Variants in LMO3 observed in about 807,000 individuals in gnomAD.
LMO3 encodes the protein LIM domain only protein 3.
LMO3 carries 2 observed loss-of-function variants against 15.8 expected under a neutral mutation model. That is an observed-to-expected ratio of 0.13 (90% CI 0.05 to 0.40). The LOEUF is 0.40. Ranked by LOEUF, LMO3 falls within the 10% of genes least tolerant of loss-of-function variation. The pLI is 0.99. For missense variants in LMO3, 86 were observed against 182.2 expected (o/e 0.47, Z 3.04); for synonymous variants, 62 against 63.8 (o/e 0.97, Z 0.13).
At chr12:16,595,506 A>C (rs1943621211) in intron 2 of LMO3, among the ~76,000 whole-genome samples, 2 of 151,400 alleles carry the variant, frequency 1.3e-5, no homozygotes, top group Non-Finnish European at 3.0e-5. Flanking sequence ...AATTATCCAA[A>C]AAAATTATCA....
intron 2 of LMO3, among the ~76,000 whole-genome samples, chr12:16,561,451 T>C (rs1354459895): frequency 2.0e-5 from 3 of 152,188 alleles, no homozygotes; most frequent in Non-Finnish European, 4.4e-5. Context: ...GTTTTCTTTT[T>C]TCTCCAGTGT....
chr12:16,560,216 T>A lies in LMO3; in HGVS notation c.332+197A>T, dbSNP rs1942346118. 6.6e-6 allele frequency among the ~76,000 whole-genome samples: 1 copy of A among 152,206 alleles called. No homozygotes were observed. The highest frequency in any genetic ancestry group is 1.5e-5 in the Non-Finnish European group (1 of 68,042). On this transcript the variant is annotated intron_variant, in intron 3 of 3. Coordinates refer to ENST00000537304, the MANE Select transcript of LMO3 (RefSeq NM_018640.5). This position sits in a 1 kb window ranked among gnomAD's most constrained non-coding sequence, Gnocchi z 5.0. The stretch of plus-strand genomic sequence containing the variant: ...TGTTACTTGCTCTTATATGATGCTT[T>A]TCTTTCAGGTAGAAGTAAGTCTTAA...
At chr12:16,601,014 G>A in intron 1 of LMO3, 146 bp from the exon 2 acceptor site, 8 of 615,036 alleles carry the variant, frequency 1.3e-5, no homozygotes, top group South Asian at 2.5e-5. Context: ...ACCCAATTTT[G>A]GAAACAAAAA....
At chr12:16,565,684 G>A (rs1443004676) in intron 2 of LMO3, among the ~76,000 whole-genome samples, 1 of 151,782 alleles carries the variant, frequency 6.6e-6, no homozygotes, top group Non-Finnish European at 1.5e-5. Flanking sequence ...GGATGATTTT[G>A]AATTTTCCTG....
rs753847361 is a variant in LMO3, at chr12:16,576,111, C to T, written c.207-15573G>A. On this transcript the variant is annotated intron_variant, in intron 2 of 3. Coordinates refer to ENST00000537304, the MANE Select transcript of LMO3 (RefSeq NM_018640.5). This position sits in a 1 kb window ranked among gnomAD's most constrained non-coding sequence, Gnocchi z 4.1. ...CTTCTCCCTTGCACTCATACTACAACCTCCCAGCTGAACATCTTTCCACCA... is the reference window on the plus strand; with the variant it reads ...CTTCTCCCTTGCACTCATACTACAATCTCCCAGCTGAACATCTTTCCACCA... Among the ~76,000 whole-genome samples, 2 of 152,176 alleles carry T rather than the reference C, an allele frequency of 1.3e-5. No homozygotes were observed. The highest frequency in any genetic ancestry group is 2.9e-5 in the Non-Finnish European group (2 of 68,036).
Position 16,594,418 on chromosome 12 carries a change from T to G in LMO3, c.206+6237A>C, listed in dbSNP as rs1002117033. On this transcript the variant is annotated intron_variant, in intron 2 of 3. Transcript: ENST00000537304. The stretch of plus-strand genomic sequence containing the variant: ...AGTTTTATAAAAATACCTAGCAAAT[T>G]GAACAGAGTATTGCTATTTTTATTT... 40 of 564,012 alleles carry G rather than the reference T, an allele frequency of 7.1e-5. No homozygotes were observed. In the African/African-American group the frequency reaches 7.5e-4, roughly 11 times the overall value. 34.9% of individuals were successfully genotyped at this position (564,012 alleles called of 1,614,324 possible).
intron 2 of LMO3, among the ~76,000 whole-genome samples, chr12:16,590,850 G>A (rs1315611615): frequency 1.3e-5 from 2 of 151,978 alleles, no homozygotes; most frequent in African/African-American, 4.8e-5. Context: ...AGATCATCAC[G>A]TGACCAAATC....
In LMO3 at chr12:16,598,467, T is replaced by C. The variant is rs1943724884; in HGVS notation, c.206+2188A>G. 1 of 152,114 alleles carries C rather than the reference T, an allele frequency of 6.6e-6. No individual in the cohort carries two copies. The allele number at this position is 152,114 out of a possible 1,614,324, so 9.4% of individuals were successfully genotyped here. On this transcript the variant is annotated intron_variant, in intron 2 of 3. Transcript: ENST00000537304. This position sits in a 1 kb window ranked among gnomAD's most constrained non-coding sequence, Gnocchi z 4.3. ...TAATGACCAATTTAAGCGGAAATCG[T>C]ACTCTGAGAAATGAATATATTGGCA... is the stretch of plus-strand genomic sequence containing the variant.
intron 2 of LMO3, among the ~76,000 whole-genome samples, chr12:16,561,642 C>T (rs1942409876): frequency 6.6e-6 from 1 of 152,176 alleles, no homozygotes. Flanking sequence ...GTGCTGAAGT[C>T]TCTCATTACT....
At chr12:16,607,194 C>G (rs1205390549), upstream of LMO3, 1 of 152,200 alleles carries the variant, frequency 6.6e-6, no homozygotes, top group Non-Finnish European at 1.5e-5. Flanking sequence ...TCTAATGGCC[C>G]AAGACCCAAA....
At chr12:16,581,605 T>G (rs1943161628) in intron 2 of LMO3, among the ~76,000 whole-genome samples, 1 of 152,208 alleles carries the variant, frequency 6.6e-6, no homozygotes, top group Non-Finnish European at 1.5e-5. Flanking sequence ...TTGACTTTCT[T>G]TCACAATGTT....
rs937127378 is a variant in LMO3, at chr12:16,597,131, A to G, written c.206+3524T>C. ...AAATTCTGTCTCATCAGATATGTAC[A>G]TTTTATGTTCCACAGCTAAATGAAT... On this transcript the variant is annotated intron_variant, in intron 2 of 3. Transcript: ENST00000537304. The surrounding 1 kb of genome is among the most constrained non-coding windows in gnomAD (Gnocchi z 5.0). 6.6e-6 allele frequency among the ~76,000 whole-genome samples: 1 copy of G among 151,754 alleles called. No homozygotes were observed. The highest frequency in any genetic ancestry group is 1.5e-5 in the Non-Finnish European group (1 of 67,720).
rs3214385 is a variant in LMO3, at chr12:16,560,553, A to ATTT, written c.207-18_207-16dup. 87 of 1,414,080 alleles carry ATTT rather than the reference A, an allele frequency of 6.2e-5. No homozygotes were observed. Among genetic ancestry groups the ATTT allele is most frequent in the South Asian group, 1.0e-4 (8 of 77,456 alleles). 87.6% of individuals were successfully genotyped at this position (1,414,080 alleles called of 1,614,324 possible). A position where few individuals can be genotyped will look rare whatever the true frequency, so the allele number is the denominator to read the frequency against. ...CACCAAAGAGCCTAGAATAAGAAAC[A>ATTT]TTTTTTTTTTTTTACAAACTCTTAC... On this transcript the variant is annotated splice_polypyrimidine_tract_variant and intron_variant, in intron 2 of 3. Coordinates refer to ENST00000537304, the MANE Select transcript of LMO3 (RefSeq NM_018640.5). This position sits in a 1 kb window ranked among gnomAD's most constrained non-coding sequence, Gnocchi z 5.0.
upstream of LMO3, chr12:16,609,813 G>A (rs992312004): frequency 2.0e-5 from 3 of 151,908 alleles, no homozygotes; most frequent in African/African-American, 4.8e-5. Flanking sequence ...GTTTTCAGCT[G>A]TTTCTTTCTT....
Position 16,563,664 on chromosome 12 carries a change from A to G in LMO3, c.207-3126T>C, listed in dbSNP as rs78779688. 2.2e-4 allele frequency among the ~76,000 whole-genome samples: 34 copies of G among 152,230 alleles called. No individual in the cohort carries two copies. In the East Asian group the frequency reaches 3.9e-3, roughly 17 times the overall value. ...ATCCACTTTTCCATTTAAGCTGGAG[A>G]TCCTTGTAAATTCTTGTTTGTAGTG... On this transcript the variant is annotated intron_variant, in intron 2 of 3. Transcript: ENST00000537304.
chr12:16,567,203 A>G (rs1383252249), intron 2 of LMO3, among the ~76,000 whole-genome samples: 6 of 150,958 alleles, frequency 4.0e-5, no homozygotes, highest in Non-Finnish European at 8.8e-5. Context: ...CCTCAAAACA[A>G]ACAAACAAAC....
chr12:16,606,017 C>A, intron 1 of LMO3, 49 bp downstream of exon 1: 1 of 605,796 alleles, frequency 1.7e-6, no homozygotes. Context: ...CCCGCAGACA[C>A]ACACACCACA....
At chr12:16,580,876 C>G (rs1176146156) in intron 2 of LMO3, among the ~76,000 whole-genome samples, 2 of 152,032 alleles carry the variant, frequency 1.3e-5, no homozygotes, top group Non-Finnish European at 2.9e-5. Context: ...CAGAATTGAC[C>G]ACTGTTAACA....
At chr12:16,568,923 G>GA (rs1280124357) in intron 2 of LMO3, among the ~76,000 whole-genome samples, 3 of 151,968 alleles carry the variant, frequency 2.0e-5, no homozygotes, top group Non-Finnish European at 4.4e-5. Context: ...TTAAAGATAA[G>GA]AAAAAATACA....
Sources: allele counts gnomAD v4.1 joint callset (sites outside exome capture counted in the v4.1 genomes callset), GRCh38; gene constraint gnomAD v4.1.1; non-coding constraint Gnocchi (gnomAD v3.1); transcripts MANE v1.5; gene names NCBI Gene and HGNC (gene_info 2026-07-23, HGNC 2026-07-21).